Variants in FAM184A observed in about 807,000 individuals in gnomAD.
The protein encoded by FAM184A is protein FAM184A.
Under a neutral mutation model 143.8 loss-of-function variants are expected in FAM184A, and 99 were observed. The observed-to-expected ratio is 0.69, with a 90% confidence interval of 0.58 to 0.81. FAM184A has a LOEUF of 0.81. Ranked by LOEUF, FAM184A falls within the 40% of genes least tolerant of loss-of-function variation. The pLI is 0.00. For synonymous variants in FAM184A, 427 were observed against 446.4 expected, an observed-to-expected ratio of 0.96 and a Z score of 0.55; for missense variants, 1,217 against 1,310.5, an observed-to-expected ratio of 0.93 and a Z score of 1.10.
chr6:118,964,899 A>G, intron 15 of FAM184A, 128 bp from the exon 16 acceptor site: 1 of 579,714 alleles, frequency 1.7e-6, no homozygotes, highest in South Asian at 2.4e-5. Flanking sequence ...TACTTTGTTT[A>G]AAGATTTCTT....
intron 1 of FAM184A, among the ~76,000 whole-genome samples, chr6:119,143,732 C>T (rs1582652802): frequency 1.3e-5 from 2 of 152,260 alleles, no homozygotes; most frequent in South Asian, 4.1e-4. Context: ...CTGTACGATC[C>T]CACTTGGATG....
At chr6:119,110,160 A>C (rs1189781089) in intron 1 of FAM184A, among the ~76,000 whole-genome samples, 1 of 151,978 alleles carries the variant, frequency 6.6e-6, no homozygotes, top group Non-Finnish European at 1.5e-5. Context: ...TAGCCCAGGG[A>C]TCCTGGGGCA....
chr6:119,120,615 C>T (rs1163161475), intron 1 of FAM184A, among the ~76,000 whole-genome samples: 1 of 152,192 alleles, frequency 6.6e-6, no homozygotes, highest in Non-Finnish European at 1.5e-5. Context: ...TACAATCCCG[C>T]TAACAACGTA....
At chr6:119,134,727 A>G (rs1562164147) in intron 1 of FAM184A, among the ~76,000 whole-genome samples, 1 of 152,164 alleles carries the variant, frequency 6.6e-6, no homozygotes, top group Non-Finnish European at 1.5e-5. Context: ...AAAGGACACA[A>G]TATACTCACT....
At chr6:118,962,087 T>A (rs775683412) in intron 16 of FAM184A, 124 bp from the exon 17 acceptor site, 1 of 878,106 alleles carries the variant, frequency 1.1e-6, no homozygotes, top group Non-Finnish European at 1.8e-6. Context: ...ATTAAAATGT[T>A]AATTAACCAG....
chr6:118,998,025 G>A (rs1784625987), intron 9 of FAM184A, among the ~76,000 whole-genome samples: 1 of 152,026 alleles, frequency 6.6e-6, no homozygotes, highest in African/African-American at 2.4e-5. Context: ...TTCCTACTGA[G>A]TATGAAAAAT....
Position 118,959,903 on chromosome 6 carries a change from G to A in FAM184A, c.*200C>T, listed in dbSNP as rs1783264234. ...TCTTCCATCTCAAATAAAAATAACA[G>A]TTATAATTACACACATAATATAGTA... On this transcript the variant is annotated 3_prime_UTR_variant, in exon 18 of 18. Coordinates refer to ENST00000338891, the MANE Select transcript of FAM184A (RefSeq NM_024581.6). The A allele has an allele frequency of 2.7e-6, 1 of 363,844 alleles. No homozygotes were observed. Among genetic ancestry groups the A allele is most frequent in the Non-Finnish European group, 4.9e-6 (1 of 204,490 alleles). The allele number at this position is 363,844 out of a possible 1,614,324, so 22.5% of individuals were successfully genotyped here.
intron 11 of FAM184A, 61 bp from the exon 12 acceptor site, chr6:118,976,105 T>C: frequency 6.6e-7 from 1 of 1,508,670 alleles, no homozygotes; most frequent in East Asian, 2.4e-5. Flanking sequence ...ATACTTTAGA[T>C]AAAAATTATA....
At chr6:119,038,961 A>G (rs1222340724) in intron 1 of FAM184A, among the ~76,000 whole-genome samples, 2 of 152,244 alleles carry the variant, frequency 1.3e-5, no homozygotes, top group African/African-American at 2.4e-5. Flanking sequence ...CAACTCAACA[A>G]TAAGAAAATG....
intron 6 of FAM184A, chr6:119,009,634 C>T (rs1391411741): frequency 6.6e-6 from 1 of 152,206 alleles, no homozygotes; most frequent in East Asian, 1.9e-4. Context: ...TCTTACAATT[C>T]CTAGAAATTT....
intron 12 of FAM184A, 36 bp downstream of exon 12, chr6:118,975,881 T>C (rs1783829448): frequency 6.3e-7 from 1 of 1,585,880 alleles, no homozygotes; most frequent in Admixed American, 1.8e-5. Context: ...TATTCAAATT[T>C]AAGAAATCAT....
At chr6:119,099,992 G>T (rs1788599731) in intron 1 of FAM184A, among the ~76,000 whole-genome samples, 1 of 152,160 alleles carries the variant, frequency 6.6e-6, no homozygotes, top group African/African-American at 2.4e-5. Context: ...GGCATCAAAA[G>T]GTGAGAAGTC....
At chr6:119,137,354 G>T (rs896612418) in intron 1 of FAM184A, among the ~76,000 whole-genome samples, 1 of 152,048 alleles carries the variant, frequency 6.6e-6, no homozygotes, top group Non-Finnish European at 1.5e-5. Context: ...GAGAGGAAGA[G>T]CTCTTTCTCC....
intron 1 of FAM184A, among the ~76,000 whole-genome samples, chr6:119,060,787 C>T (rs1787201288): frequency 6.6e-6 from 1 of 152,194 alleles, no homozygotes; most frequent in Admixed American, 6.5e-5. Context: ...CCTCCCCCTT[C>T]TCTTTCTTCC....
At chr6:119,052,736 G>A (rs1013146398) in intron 1 of FAM184A, among the ~76,000 whole-genome samples, 2 of 152,206 alleles carry the variant, frequency 1.3e-5, no homozygotes, top group Non-Finnish European at 2.9e-5. Context: ...AGGCAGGAGA[G>A]GAAGCAGCAC....
intron 1 of FAM184A, among the ~76,000 whole-genome samples, chr6:119,074,351 G>A (rs1388715361): frequency 6.6e-6 from 1 of 152,188 alleles, no homozygotes; most frequent in Non-Finnish European, 1.5e-5. Flanking sequence ...CCTTGCAAGA[G>A]ACAGAGCAAG....
chr6:118,979,922 C>T lies in FAM184A; in HGVS notation c.2301+216G>A, dbSNP rs1017566146. Among the ~76,000 whole-genome samples the T allele has an allele frequency of 5.9e-5, 9 of 151,448 alleles. No individual in the cohort carries two copies. The East Asian group carries it at 1.2e-3, about 20-fold the overall frequency. Reference sequence around the variant, plus strand: ...AAAATTAGCCAGGCATGGTGGTGTGCGCCTATAGTCCCAGCTATTCAGGAG... The same window carrying T: ...AAAATTAGCCAGGCATGGTGGTGTGTGCCTATAGTCCCAGCTATTCAGGAG... On this transcript the variant is annotated intron_variant, in intron 10 of 17. Transcript: ENST00000338891.
intron 1 of FAM184A, among the ~76,000 whole-genome samples, chr6:119,029,379 T>G (rs990660259): frequency 6.6e-6 from 1 of 152,218 alleles, no homozygotes; most frequent in Non-Finnish European, 1.5e-5. Flanking sequence ...AATATTAAAT[T>G]TCCCTCGAAG....
chr6:119,030,900 A>G (rs919857220), intron 1 of FAM184A, among the ~76,000 whole-genome samples: 2 of 152,132 alleles, frequency 1.3e-5, no homozygotes, highest in Admixed American at 6.5e-5. Context: ...CAGCAATTTC[A>G]TAGTTCATTT....
Sources: allele counts gnomAD v4.1 joint callset (sites outside exome capture counted in the v4.1 genomes callset), GRCh38; gene constraint gnomAD v4.1.1; transcripts MANE v1.5; gene names NCBI Gene and HGNC (gene_info 2026-07-23, HGNC 2026-07-21).